Variants in PLCB1 observed in about 807,000 individuals in gnomAD.
PLCB1 encodes the protein 1-phosphatidylinositol 4,5-bisphosphate phosphodiesterase beta-1.
PLCB1 carries 46 observed loss-of-function variants against 161.8 expected under a neutral mutation model. The observed-to-expected ratio is 0.28, with a 90% CI of 0.22 to 0.36. The LOEUF (loss-of-function observed/expected upper bound fraction) is 0.36. Among genes scored for constraint, PLCB1 ranks in the 10% least tolerant of loss-of-function variants. PLCB1 has a pLI of 1.00. For synonymous variants in PLCB1, 517 were observed against 503.7 expected (o/e 1.03, Z -0.35); for missense variants, 1,016 against 1,472.5 (o/e 0.69, Z 5.07).
chr20:8,277,649 G>A (rs1362607307), intron 2 of PLCB1, among the ~76,000 whole-genome samples: 2 of 152,072 alleles, frequency 1.3e-5, no homozygotes, highest in African/African-American at 4.8e-5. Context: ...AAATTCCTAA[G>A]CATGTTAATG....
chr20:8,790,347 C>T (rs1983693933), intron 31 of PLCB1, 86 bp downstream of exon 31: 2 of 947,050 alleles, frequency 2.1e-6, no homozygotes, highest in Non-Finnish European at 3.3e-6. Flanking sequence ...ACATAAGTAC[C>T]TTGTACACAG....
chr20:8,717,827 G>A lies in PLCB1; in HGVS notation c.1492G>A (p.Glu498Lys). Reference sequence around the variant, plus strand: ...CTACAGTGACTCCTCCAGCATGTTCGAGCCCTCATCCCCAGGAGCCGGTGA... The same window carrying A: ...CTACAGTGACTCCTCCAGCATGTTCAAGCCCTCATCCCCAGGAGCCGGTGA... Reference protein sequence around the residue: ...NTYSDSSSMFEPSSPGAGEAD... With the variant: ...NTYSDSSSMFKPSSPGAGEAD... Residue 498 changes from glutamate (E) to lysine (K), a missense_variant, in exon 14 of 32, where the codon GAG (glutamate) becomes AAG (lysine). By Grantham distance (56) the Glu-to-Lys change is moderately conservative. Around this residue, in one of 10 missense-constraint regions of PLCB1, gnomAD observed 109 missense variants for 129.7 expected, o/e 0.84. Coordinates refer to ENST00000338037, the MANE Select transcript of PLCB1 (RefSeq NM_015192.4). 2.5e-6 allele frequency: 4 copies of A among 1,608,730 alleles called. No homozygotes were observed. The highest frequency in any genetic ancestry group is 3.4e-6 in the Non-Finnish European group (4 of 1,178,658).
At chr20:8,794,378 T>C (rs541836783) in intron 31 of PLCB1, among the ~76,000 whole-genome samples, 2 of 152,344 alleles carry the variant, frequency 1.3e-5, no homozygotes, top group East Asian at 3.9e-4. Flanking sequence ...GGGGAACTAA[T>C]AAATGTCCAT....
intron 2 of PLCB1, among the ~76,000 whole-genome samples, chr20:8,187,681 A>AT (rs2051920214): frequency 1.3e-5 from 2 of 151,992 alleles, no homozygotes; most frequent in South Asian, 2.1e-4. Flanking sequence ...GAGTGCTGGC[A>AT]TTTTTTCCTT....
intron 3 of PLCB1, among the ~76,000 whole-genome samples, chr20:8,626,101 C>G (rs1332449441): frequency 6.6e-6 from 1 of 150,488 alleles, no homozygotes; most frequent in Non-Finnish European, 1.5e-5. Context: ...TCGCTTGAAC[C>G]CAGGAGGTGG....
chr20:8,812,231 G>A (rs1984859677), intron 31 of PLCB1, among the ~76,000 whole-genome samples: 1 of 152,130 alleles, frequency 6.6e-6, no homozygotes, highest in Non-Finnish European at 1.5e-5. Context: ...GAAGAAGAAG[G>A]GGAGAGAGAG....
intron 2 of PLCB1, among the ~76,000 whole-genome samples, chr20:8,230,056 C>CAAAAAAA (rs547874616): frequency 9.2e-4 from 54 of 58,850 alleles, no homozygotes; most frequent in East Asian, 1.5e-3. Context: ...GACTTGGCAG[C>CAAAAAAA]AAAAAAAAAA....
intron 3 of PLCB1, among the ~76,000 whole-genome samples, chr20:8,596,945 T>C (rs1987374494): frequency 6.6e-6 from 1 of 152,294 alleles, no homozygotes; most frequent in Non-Finnish European, 1.5e-5. Flanking sequence ...TTTTTGCACG[T>C]TGATTTTGTA....
chr20:8,320,937 GAAGAA>G (rs1984891458), intron 2 of PLCB1, among the ~76,000 whole-genome samples: 1 of 146,144 alleles, frequency 6.8e-6, no homozygotes, highest in African/African-American at 2.6e-5. Context: ...AAGAAGAAGA[GAAGAA>G]AAGGAAGGAA....
At chr20:8,857,757 G>GATGAGT (rs1333764468) in intron 31 of PLCB1, among the ~76,000 whole-genome samples, 3 of 152,284 alleles carry the variant, frequency 2.0e-5, no homozygotes, top group South Asian at 2.1e-4. Flanking sequence ...TTCCTACTAA[G>GATGAGT]ATGAGTATGA....
intron 2 of PLCB1, among the ~76,000 whole-genome samples, chr20:8,262,238 C>T (rs963767026): frequency 4.3e-5 from 6 of 139,150 alleles, no homozygotes; most frequent in African/African-American, 8.1e-5. Flanking sequence ...CATGCCACCA[C>T]GCCAGGCTAC....
At chr20:8,733,847 C>T (rs1162608796) in intron 19 of PLCB1, among the ~76,000 whole-genome samples, 1 of 148,564 alleles carries the variant, frequency 6.7e-6, no homozygotes, top group Admixed American at 6.7e-5. Flanking sequence ...TAGGGTCGGG[C>T]GCAGTGACTC....
At chr20:8,869,149 G>A (rs1987527496) in intron 31 of PLCB1, among the ~76,000 whole-genome samples, 1 of 152,112 alleles carries the variant, frequency 6.6e-6, no homozygotes, top group Admixed American at 6.6e-5. Context: ...AAATACAATA[G>A]TAACTTTCTG....
chr20:8,657,538 T>C (rs1989495929), intron 8 of PLCB1, among the ~76,000 whole-genome samples: 1 of 152,034 alleles, frequency 6.6e-6, no homozygotes, highest in Non-Finnish European at 1.5e-5. Flanking sequence ...TAACTTTGTA[T>C]GGTTGAAGGA....
intron 2 of PLCB1, among the ~76,000 whole-genome samples, chr20:8,168,736 G>C (rs2051701940): frequency 6.6e-6 from 1 of 151,318 alleles, no homozygotes; most frequent in Non-Finnish European, 1.5e-5. Context: ...TGATTTTTCT[G>C]TGCCTGATGT....
chr20:8,721,875 A>G (rs556967885), intron 14 of PLCB1, among the ~76,000 whole-genome samples: 1 of 152,088 alleles, frequency 6.6e-6, no homozygotes, highest in African/African-American at 2.4e-5. Context: ...AAGATCACTG[A>G]GCTATGTGCT....
At chr20:8,674,757 T>A (rs1211443007) in intron 9 of PLCB1, among the ~76,000 whole-genome samples, 1 of 152,134 alleles carries the variant, frequency 6.6e-6, no homozygotes, top group African/African-American at 2.4e-5. Flanking sequence ...TATGAGAATG[T>A]CCTCAGGACC....
At chr20:8,282,127 T>C (rs1005468712) in intron 2 of PLCB1, among the ~76,000 whole-genome samples, 3 of 152,198 alleles carry the variant, frequency 2.0e-5, no homozygotes, top group African/African-American at 7.2e-5. Context: ...ATGTACTATA[T>C]GTTTGTATGT....
At chr20:8,585,275 T>C (rs1986955317) in intron 3 of PLCB1, among the ~76,000 whole-genome samples, 1 of 152,186 alleles carries the variant, frequency 6.6e-6, no homozygotes, top group Non-Finnish European at 1.5e-5. Flanking sequence ...TCTCTGTGCA[T>C]GTCCTGGAGC....
Sources: gnomAD v4.1 joint callset for allele counts (sites outside exome capture counted in the v4.1 genomes callset) on GRCh38, gnomAD v4.1.1 for gene constraint, gnomAD v4.1.1 regional missense constraint, MANE v1.5 for transcripts, NCBI Gene and HGNC (gene_info 2026-07-23, HGNC 2026-07-21) for gene names.